Variants in ZFYVE28 observed in about 807,000 individuals in gnomAD.
The protein encoded by ZFYVE28 is zinc finger FYVE-type containing 28, also known as lateral signaling target protein 2 homolog.
Under a neutral mutation model 82.1 loss-of-function variants are expected in ZFYVE28, and 40 were observed. The observed-to-expected ratio is 0.49, with a 90% CI of 0.38 to 0.63. The LOEUF is 0.63. ZFYVE28 is among the 30% of genes least tolerant of loss of function. The pLI, the probability that ZFYVE28 is intolerant of heterozygous loss-of-function variation, is 0.00. For missense variants in ZFYVE28, 1,321 were observed against 1,242.1 expected (o/e 1.06, Z -0.96); for synonymous variants, 612 against 546.1 (o/e 1.12, Z -1.68).
intron 7 of ZFYVE28, among the ~76,000 whole-genome samples, chr4:2,306,322 G>T (rs1195575366): frequency 6.6e-6 from 1 of 152,248 alleles, no homozygotes; most frequent in African/African-American, 2.4e-5. Flanking sequence ...CACAGCCATG[G>T]CTATTGTGAG....
chr4:2,353,716 C>T (rs549778131), intron 2 of ZFYVE28, among the ~76,000 whole-genome samples: 90 of 152,332 alleles, frequency 5.9e-4, no homozygotes, highest in Non-Finnish European at 1.1e-3. Flanking sequence ...TCTGCTCCCC[C>T]AAGTGTCCCG....
chr4:2,283,796 C>T (rs551052805), intron 8 of ZFYVE28, among the ~76,000 whole-genome samples: 2 of 152,308 alleles, frequency 1.3e-5, no homozygotes, highest in East Asian at 3.9e-4. Context: ...CTCACTCAGG[C>T]TGGAGAGAGG....
At chr4:2,275,514 A>T (rs997628203) in intron 8 of ZFYVE28, among the ~76,000 whole-genome samples, 1 of 152,208 alleles carries the variant, frequency 6.6e-6, no homozygotes, top group African/African-American at 2.4e-5. Context: ...ACCTAGAAAT[A>T]TTCGTGATAA....
intron 1 of ZFYVE28, among the ~76,000 whole-genome samples, chr4:2,391,991 C>T (rs1335497007): frequency 6.6e-6 from 1 of 151,836 alleles, no homozygotes. Context: ...CCCACCACTA[C>T]AAAAATACAA....
chr4:2,304,530 C>G lies in ZFYVE28; in HGVS notation c.1810G>C (p.Asp604His). The G allele has an allele frequency of 2.5e-6, 4 of 1,612,674 alleles. No homozygotes were observed. The highest frequency in any genetic ancestry group is 2.2e-5 in the East Asian group (1 of 44,880). ...TCCTCCTGTCTCTCAGGGGCCCTGT[C>G]GCTGGCCTTGGCTAAGCCGGCAGCG... ...SYAAGLAKAS[D>H]RAPERQEEAP... Residue 604 changes from aspartate to histidine, a missense_variant, in exon 8 of 13, where the codon GAC (aspartate) becomes CAC (histidine). Coordinates refer to ENST00000290974, the MANE Select transcript of ZFYVE28 (RefSeq NM_020972.3).
intron 2 of ZFYVE28, among the ~76,000 whole-genome samples, chr4:2,345,685 C>T (rs1723429828): frequency 6.6e-6 from 1 of 150,746 alleles, no homozygotes; most frequent in Non-Finnish European, 1.5e-5. Context: ...CTCATAGAAC[C>T]AAGTAAATGA....
chr4:2,412,980 G>A (rs1319369489), intron 1 of ZFYVE28, among the ~76,000 whole-genome samples: 1 of 152,064 alleles, frequency 6.6e-6, no homozygotes, highest in Non-Finnish European at 1.5e-5. Flanking sequence ...CCTCTGACTC[G>A]CCCATTTAAC....
At chr4:2,395,616 C>T (rs947069343) in intron 1 of ZFYVE28, among the ~76,000 whole-genome samples, 14 of 152,246 alleles carry the variant, frequency 9.2e-5, no homozygotes, top group African/African-American at 3.4e-4. Flanking sequence ...TCCCATAGCA[C>T]TGGCCTGGAA....
intron 4 of ZFYVE28, 91 bp from the exon 5 acceptor site, chr4:2,337,587 A>G (rs886104471): frequency 1.9e-6 from 2 of 1,039,686 alleles, no homozygotes; most frequent in Non-Finnish European, 2.8e-6. Flanking sequence ...TTAAAGCTGC[A>G]ATGCTGGGCA....
intron 6 of ZFYVE28, chr4:2,330,881 G>A (rs1720573474): frequency 7.2e-6 from 11 of 1,534,780 alleles, no homozygotes; most frequent in Non-Finnish European, 9.6e-6. Context: ...CACGGTGCAG[G>A]CAGATCACGG....
intron 1 of ZFYVE28, among the ~76,000 whole-genome samples, chr4:2,388,449 G>A (rs1729498567): frequency 6.6e-6 from 1 of 151,998 alleles, no homozygotes; most frequent in Non-Finnish European, 1.5e-5. Context: ...TTCCACAAGG[G>A]CTCACCTTCT....
chr4:2,291,094 G>C (rs1030912255), intron 8 of ZFYVE28, among the ~76,000 whole-genome samples: 1 of 152,176 alleles, frequency 6.6e-6, no homozygotes, highest in Non-Finnish European at 1.5e-5. Context: ...TTCTCGTCTC[G>C]CACCTTGCAG....
intron 1 of ZFYVE28, among the ~76,000 whole-genome samples, chr4:2,379,698 T>C (rs182127669): frequency 9.2e-5 from 14 of 152,298 alleles, no homozygotes; most frequent in Admixed American, 5.2e-4. Flanking sequence ...TGCTTCAAAG[T>C]CCTTACTGAT....
At chr4:2,368,386 C>T (rs896909973) in intron 1 of ZFYVE28, among the ~76,000 whole-genome samples, 4 of 148,986 alleles carry the variant, frequency 2.7e-5, no homozygotes, top group African/African-American at 9.9e-5. Context: ...TGGGTGACAG[C>T]GTGAGACCCT....
At chr4:2,395,706 G>C (rs1377247983) in intron 1 of ZFYVE28, among the ~76,000 whole-genome samples, 1 of 152,194 alleles carries the variant, frequency 6.6e-6, no homozygotes, top group African/African-American at 2.4e-5. Flanking sequence ...AGGTCACCAG[G>C]AACGCCAGGC....
At chr4:2,415,314 A>G (rs879073573) in intron 1 of ZFYVE28, among the ~76,000 whole-genome samples, 2 of 152,200 alleles carry the variant, frequency 1.3e-5, no homozygotes, top group African/African-American at 4.8e-5. Context: ...CCATATTGTG[A>G]TGAACAAGAA....
At chr4:2,405,914 T>G (rs1474443270) in intron 1 of ZFYVE28, among the ~76,000 whole-genome samples, 1 of 151,522 alleles carries the variant, frequency 6.6e-6, no homozygotes, top group Non-Finnish European at 1.5e-5. Flanking sequence ...CTGGGCATGG[T>G]GGCAGGCGCC....
intron 1 of ZFYVE28, among the ~76,000 whole-genome samples, chr4:2,403,419 G>A (rs1362879147): frequency 6.6e-6 from 1 of 152,246 alleles, no homozygotes; most frequent in Non-Finnish European, 1.5e-5. Context: ...AGAATTCTCG[G>A]AGCACGGCCC....
intron 2 of ZFYVE28, among the ~76,000 whole-genome samples, chr4:2,351,052 C>T (rs949686819): frequency 3.3e-5 from 5 of 152,284 alleles, no homozygotes; most frequent in East Asian, 1.9e-4. Context: ...ATGGGAGCCC[C>T]GATTTATAGC....
Sources: allele counts gnomAD v4.1 joint callset (sites outside exome capture counted in the v4.1 genomes callset), GRCh38; gene constraint gnomAD v4.1.1; transcripts MANE v1.5; gene names NCBI Gene and HGNC (gene_info 2026-07-23, HGNC 2026-07-21).